The following KCTD19 variants were observed in gnomAD, a reference collection of about 807,000 sequenced individuals.
The protein encoded by KCTD19 is BTB/POZ domain-containing protein KCTD19.
KCTD19 carries 67 observed loss-of-function variants against 103.5 expected under a neutral mutation model. The ratio of observed to expected loss-of-function variants is 0.65; its 90% confidence interval spans 0.53 to 0.79. KCTD19 has a LOEUF of 0.79. Ranked by LOEUF, KCTD19 falls within the 30% of genes least tolerant of loss-of-function variation. The pLI, the probability that KCTD19 is intolerant of heterozygous loss-of-function variation, is 0.00. For missense variants in KCTD19, 980 were observed against 1,136.1 expected, an observed-to-expected ratio of 0.86 and a Z score of 1.98; for synonymous variants, 439 against 452.2, an observed-to-expected ratio of 0.97 and a Z score of 0.37.
In KCTD19 at chr16:67,294,877, G is replaced by A. The variant is rs1214335059; in HGVS notation, c.1475+96C>T. 3.6e-5 allele frequency: 40 copies of A among 1,118,826 alleles called. No homozygotes were observed. The East Asian group carries it at 5.5e-4, about 15-fold the overall frequency. The allele number at this position is 1,118,826 out of a possible 1,614,324, so 69.3% of individuals were successfully genotyped here. On this transcript the variant is annotated intron_variant, in intron 10 of 15. Coordinates refer to ENST00000304372, the MANE Select transcript of KCTD19 (RefSeq NM_001100915.3). ...TGCTTCACTCCCTCAACCCCAAGGAGATCAGGATCCTCTAGGAGTAGGACT... is the reference window on the plus strand; with the variant it reads ...TGCTTCACTCCCTCAACCCCAAGGAAATCAGGATCCTCTAGGAGTAGGACT...
chr16:67,303,108 C>CGGGGGGGGGGGGGGGGGGGGGGG lies in KCTD19; in HGVS notation c.643+37_643+38insCCCCCCCCCCCCCCCCCCCCCCC. The CGGGGGGGGGGGGGGGGGGGGGGG allele has an allele frequency of 1.3e-6, 1 of 798,078 alleles. No individual in the cohort carries two copies. The allele number at this position is 798,078 out of a possible 1,614,324, so 49.4% of individuals were successfully genotyped here. The stretch of plus-strand genomic sequence containing the variant: ...ATGGGGAGGGGTGAATGGGCCCTAT[C>CGGGGGGGGGGGGGGGGGGGGGGG]AGCCCGCCCCCCACCCCACCCCGGA... On this transcript the variant is annotated intron_variant, in intron 4 of 15. Coordinates refer to ENST00000304372, the MANE Select transcript of KCTD19 (RefSeq NM_001100915.3). The surrounding 1 kb of genome is among the most constrained non-coding windows in gnomAD (Gnocchi z 4.3).
intron 8 of KCTD19, 83 bp downstream of exon 8, chr16:67,296,076 T>C: frequency 1.2e-6 from 1 of 831,078 alleles, no homozygotes; most frequent in Non-Finnish European, 2.1e-6. Flanking sequence ...TGCTGGAAGC[T>C]GTGTGAGGGC....
intron 1 of KCTD19, among the ~76,000 whole-genome samples, chr16:67,322,439 C>T (rs1356006820): frequency 1.3e-5 from 2 of 152,032 alleles, no homozygotes; most frequent in Non-Finnish European, 2.9e-5. Flanking sequence ...GCTGGGACTA[C>T]AGGCACCCGC....
intron 12 of KCTD19, 55 bp from the exon 13 acceptor site, chr16:67,291,892 A>G (rs1042992304): frequency 2.3e-5 from 30 of 1,323,200 alleles, no homozygotes; most frequent in Non-Finnish European, 2.8e-5. Flanking sequence ...TTTTTTTTCA[A>G]GATAGAGTTT....
chr16:67,295,853 T>C, intron 8 of KCTD19: 1 of 384,324 alleles, frequency 2.6e-6, no homozygotes, highest in South Asian at 2.7e-5. Flanking sequence ...CAAACAATTC[T>C]GGTGCTTCAG....
At position 67,300,674 on chromosome 16, in the gene KCTD19, C is replaced by T. The variant is rs902599212; in HGVS notation, c.776-1101G>A. 4 of 152,408 alleles carry T rather than the reference C, an allele frequency of 2.6e-5. No homozygotes were observed. Among genetic ancestry groups the T allele is most frequent in the Non-Finnish European group, 4.4e-5 (3 of 68,282 alleles). The allele number at this position is 152,408 out of a possible 1,614,324, so 9.4% of individuals were successfully genotyped here. Reference sequence around the variant, plus strand: ...ATGGGTTTCTTTTTTGAGAAGGAGTCTCACTCTGTTGCCCAGGCTTGAGTG... The same window carrying T: ...ATGGGTTTCTTTTTTGAGAAGGAGTTTCACTCTGTTGCCCAGGCTTGAGTG... On this transcript the variant is annotated intron_variant, in intron 5 of 15. Coordinates refer to ENST00000304372, the MANE Select transcript of KCTD19 (RefSeq NM_001100915.3). The surrounding 1 kb of genome is among the most constrained non-coding windows in gnomAD (Gnocchi z 4.5).
rs759991360 is a variant in KCTD19 at position 67,297,624 on chromosome 16, G to T, written c.1026C>A (p.Thr342=). ...CACAGAGCTCATATACCTCGGAAATGGTCTCTGTCAGGGGCAGCCGGCAAG... is the reference window on the plus strand; with the variant it reads ...CACAGAGCTCATATACCTCGGAAATTGTCTCTGTCAGGGGCAGCCGGCAAG... ...LGTCRLPLTE[T]ISEVYELCAF... The change falls in exon 7 of 16, where the codon ACC becomes ACA. Residue 342 remains threonine, a synonymous_variant. Transcript: ENST00000304372. 1.9e-6 allele frequency: 3 copies of T among 1,614,072 alleles called. No homozygotes were observed. The highest frequency in any genetic ancestry group is 1.7e-6 in the Non-Finnish European group (2 of 1,180,006).
rs1289715887 is a variant in KCTD19, at chr16:67,295,076, A to T, written c.1392-20T>A. The T allele has an allele frequency of 6.2e-7, 1 of 1,609,336 alleles. No individual in the cohort carries two copies. Among genetic ancestry groups the T allele is most frequent in the Admixed American group, 1.7e-5 (1 of 60,010 alleles). On this transcript the variant is annotated intron_variant, in intron 9 of 15. Coordinates refer to ENST00000304372, the MANE Select transcript of KCTD19 (RefSeq NM_001100915.3). The stretch of plus-strand genomic sequence containing the variant: ...CATTCCCTGCAAACAACAAGGAGAT[A>T]TCCAGCTGGGCAGCTAGGATGAGGG...
rs2036851311 is a variant in KCTD19, at chr16:67,303,016, C to T, written c.643+130G>A. 1 of 795,880 alleles carries T rather than the reference C, an allele frequency of 1.3e-6. No homozygotes were observed. The highest frequency in any genetic ancestry group is 2.0e-6 in the Non-Finnish European group (1 of 497,944). The allele number at this position is 795,880 out of a possible 1,614,324, so 49.3% of individuals were successfully genotyped here. On this transcript the variant is annotated intron_variant, in intron 4 of 15. Transcript: ENST00000304372. This position sits in a 1 kb window ranked among gnomAD's most constrained non-coding sequence, Gnocchi z 4.3. ...CTTCCTGGAAGGCTCTGTCATGCTTCCGCTACCTCTGCCCAGGGAAGCTCC... is the reference window on the plus strand; with the variant it reads ...CTTCCTGGAAGGCTCTGTCATGCTTTCGCTACCTCTGCCCAGGGAAGCTCC...
rs376013628 is a variant in KCTD19 at position 67,291,742 on chromosome 16, C to T, written c.2314G>A (p.Asp772Asn). The change falls in exon 13 of 16, where the codon GAT becomes AAT. Residue 772 changes from aspartate (D) to asparagine (N), a missense_variant. By Grantham distance (23) the Asp-to-Asn change is conservative. Transcript: ENST00000304372. ...KVTHPPVVGS[D>N]GFCMFFEDSI... ...TCCTCAAAGAACATGCAGAAGCCATCGCTGCCCACCACGGGGGGGTGAGTC... is the reference window on the plus strand; with the variant it reads ...TCCTCAAAGAACATGCAGAAGCCATTGCTGCCCACCACGGGGGGGTGAGTC... 11 of 1,614,016 alleles carry T rather than the reference C, an allele frequency of 6.8e-6. No homozygotes were observed. The East Asian group carries it at 8.9e-5, about 13-fold the overall frequency.
intron 4 of KCTD19, chr16:67,302,871 A>G: frequency 2.3e-6 from 1 of 442,032 alleles, no homozygotes; most frequent in South Asian, 2.8e-5. Flanking sequence ...CCTTCACACC[A>G]ACTCCTGTGG....
chr16:67,302,060 A>C, intron 4 of KCTD19, 138 bp from the exon 5 acceptor site: 1 of 732,614 alleles, frequency 1.4e-6, no homozygotes, highest in Non-Finnish European at 2.3e-6. Flanking sequence ...AACATACCTT[A>C]TTAGATTAGC....
Position 67,303,110 on chromosome 16 carries a change from G to GCCCCCC in KCTD19, c.643+35_643+36insGGGGGG. The GCCCCCC allele has an allele frequency of 1.1e-6, 1 of 947,050 alleles. No homozygotes were observed. The allele number at this position is 947,050 out of a possible 1,614,324, so 58.7% of individuals were successfully genotyped here. On this transcript the variant is annotated intron_variant, in intron 4 of 15. Coordinates refer to ENST00000304372, the MANE Select transcript of KCTD19 (RefSeq NM_001100915.3). This position sits in a 1 kb window ranked among gnomAD's most constrained non-coding sequence, Gnocchi z 4.3. Reference sequence around the variant, plus strand: ...GGGGAGGGGTGAATGGGCCCTATCAGCCCGCCCCCCACCCCACCCCGGACA... The same window carrying GCCCCCC: ...GGGGAGGGGTGAATGGGCCCTATCAGCCCCCCCCCGCCCCCCACCCCACCCCGGACA...
intron 2 of KCTD19, among the ~76,000 whole-genome samples, chr16:67,311,200 T>C (rs1225497837): frequency 3.3e-5 from 5 of 152,150 alleles, no homozygotes; most frequent in Non-Finnish European, 7.4e-5. Context: ...ACAACAGAAT[T>C]AGCACTGCTA....
intron 15 of KCTD19, among the ~76,000 whole-genome samples, chr16:67,290,372 G>A (rs1480894889): frequency 6.6e-6 from 1 of 151,948 alleles, no homozygotes. Context: ...TAGAGACGGG[G>A]TTTCACTGTG....
intron 6 of KCTD19, 23 bp from the exon 7 acceptor site, chr16:67,297,686 A>C (rs1406058290): frequency 6.2e-7 from 1 of 1,611,208 alleles, no homozygotes; most frequent in East Asian, 2.2e-5. Context: ...AAGGTCTGTC[A>C]TGAAGAACAT....
rs774125892 is a variant in KCTD19, at chr16:67,299,663, A to G, written c.776-90T>C. On this transcript the variant is annotated intron_variant, in intron 5 of 15. Transcript: ENST00000304372. The stretch of plus-strand genomic sequence containing the variant: ...GGGCTCGGTTCCTACTGCTGCCTCC[A>G]TTGTACCGAGGAGGCTCAGAGGAAG... The G allele has an allele frequency of 4.8e-6, 5 of 1,040,242 alleles. No homozygotes were observed. In the South Asian group the frequency reaches 6.9e-5, roughly 14 times the overall value. 64.4% of individuals were successfully genotyped at this position (1,040,242 alleles called of 1,614,324 possible).
rs538323715 is a variant in KCTD19 at position 67,307,440 on chromosome 16, A to G, written c.301-2869T>C. ...GTGATCCTCCCACCTCAGCCTCCCA[A>G]ACAGCTGGGACCACAGGCGTGCACC... is the stretch of plus-strand genomic sequence containing the variant. On this transcript the variant is annotated intron_variant, in intron 2 of 15. Coordinates refer to ENST00000304372, the MANE Select transcript of KCTD19 (RefSeq NM_001100915.3). 2.0e-3 allele frequency among the ~76,000 whole-genome samples: 300 copies of G among 151,854 alleles called. 1 individual carries two copies. The highest frequency in any genetic ancestry group is 6.9e-3 in the African/African-American group (287 of 41,392).
rs759860142 is a variant in KCTD19, at chr16:67,291,754, C to CG, written c.2301dup (p.Val768ArgfsTer12). The CG allele has an allele frequency of 2.4e-5, 39 of 1,613,692 alleles. No individual in the cohort carries two copies. Among genetic ancestry groups the CG allele is most frequent in the Middle Eastern group, 1.6e-4 (1 of 6,082 alleles). Reference sequence around the variant, plus strand: ...ATGCAGAAGCCATCGCTGCCCACCACGGGGGGGTGAGTCACTTTGAGGATA... The same window carrying CG: ...ATGCAGAAGCCATCGCTGCCCACCACGGGGGGGGTGAGTCACTTTGAGGATA... On this transcript the variant is annotated frameshift_variant, in exon 13 of 16. Coordinates refer to ENST00000304372, the MANE Select transcript of KCTD19 (RefSeq NM_001100915.3). LOFTEE classifies it high-confidence loss of function.
Sources: gnomAD v4.1 joint callset for allele counts (sites outside exome capture counted in the v4.1 genomes callset) on GRCh38, gnomAD v4.1.1 for gene constraint, Gnocchi (gnomAD v3.1) non-coding constraint, MANE v1.5 for transcripts, NCBI Gene and HGNC (gene_info 2026-07-23, HGNC 2026-07-21) for gene names.